Variants in G3BP1 observed in about 807,000 individuals in gnomAD.
G3BP1 encodes G3BP stress granule assembly factor 1, also known as ras GTPase-activating protein-binding protein 1.
Under a neutral mutation model 58.6 loss-of-function variants are expected in G3BP1, and 35 were observed. The ratio of observed to expected loss-of-function variants is 0.60; its 90% CI spans 0.46 to 0.79. The LOEUF (loss-of-function observed/expected upper bound fraction) is 0.79, where lower values mean the gene tolerates loss of function less well. Ranked by LOEUF, G3BP1 falls within the 30% of genes least tolerant of loss-of-function variation. The probability of loss-of-function intolerance (pLI) is 0.00; values close to 1 mark genes in which losing one functional copy is unlikely to be tolerated. For missense variants in G3BP1, 523 were observed against 580.8 expected (o/e 0.90, Z 1.02); for synonymous variants, 191 against 195.4 (o/e 0.98, Z 0.19).
intron 7 of G3BP1, among the ~76,000 whole-genome samples, chr5:151,798,187 GC>G (rs1406208776): frequency 6.6e-6 from 1 of 152,164 alleles, no homozygotes; most frequent in Admixed American, 6.5e-5. Flanking sequence ...ACTTTAGCTT[GC>G]AAGTGGAAAA....
In G3BP1 at chr5:151,799,988, G is replaced by C. The variant is rs751557107; in HGVS notation, c.943G>C (p.Gly315Arg). 6.2e-7 allele frequency: 1 copy of C among 1,603,176 alleles called. No individual in the cohort carries two copies. The highest frequency in any genetic ancestry group is 8.5e-7 in the Non-Finnish European group (1 of 1,170,422). The change falls in exon 9 of 12, where the codon GGA becomes CGA. Residue 315 changes from glycine (G) to arginine (R), a missense_variant. Physicochemically the swap from Gly to Arg is moderately radical, Grantham distance 125 (BLOSUM62 -2). Coordinates refer to ENST00000356245, the MANE Select transcript of G3BP1 (RefSeq NM_005754.3). The stretch of plus-strand genomic sequence containing the variant: ...ACGAATAAATATTCCTCCCCAAAGG[G>C]GACCCAGACCAAGTAAGAGCTCAGA... ...EQRINIPPQR[G>R]PRPIREAGEQ... is the part of the protein sequence containing the mutation.
intron 11 of G3BP1, among the ~76,000 whole-genome samples, 198 bp from the exon 12 acceptor site, chr5:151,803,687 G>A (rs1762894954): frequency 6.6e-6 from 1 of 151,960 alleles, no homozygotes; most frequent in Non-Finnish European, 1.5e-5. Flanking sequence ...GTAGAGACGG[G>A]GTTTCACCAT....
At chr5:151,784,335 T>C (rs1334477598) in intron 1 of G3BP1, among the ~76,000 whole-genome samples, 1 of 152,212 alleles carries the variant, frequency 6.6e-6, no homozygotes, top group Non-Finnish European at 1.5e-5. Flanking sequence ...AAACAACATT[T>C]TTTAGTAATT....
At position 151,808,166 on chromosome 5, in the gene G3BP1, T is replaced by A. The variant is rs1762965716; in HGVS notation, c.*4075T>A. On this transcript the variant is annotated 3_prime_UTR_variant, in exon 12 of 12. Coordinates refer to ENST00000356245, the MANE Select transcript of G3BP1 (RefSeq NM_005754.3). The stretch of plus-strand genomic sequence containing the variant: ...TCTGGTTCTAAGGTAGTAATGCCTT[T>A]TGGGATTTATATTTGTTTAATGTTG... The A allele has an allele frequency of 6.6e-6, 1 of 152,208 alleles. No homozygotes were observed. The highest frequency in any genetic ancestry group is 1.9e-4 in the East Asian group (1 of 5,204). The allele number at this position is 152,208 out of a possible 1,614,324, so 9.4% of individuals were successfully genotyped here. A position where few individuals can be genotyped will look rare whatever the true frequency, so the allele number is the denominator to read the frequency against.
At chr5:151,796,199 A>G (rs1240411466) in intron 6 of G3BP1, among the ~76,000 whole-genome samples, 1 of 152,218 alleles carries the variant, frequency 6.6e-6, no homozygotes, top group Non-Finnish European at 1.5e-5. Flanking sequence ...GCTGGTTGAA[A>G]ATGAAGATTC....
In G3BP1 at chr5:151,805,114, C is replaced by A. The variant is rs898160684; in HGVS notation, c.*1023C>A. 3.3e-5 allele frequency: 5 copies of A among 152,472 alleles called. No homozygotes were observed. The highest frequency in any genetic ancestry group is 1.2e-4 in the African/African-American group (5 of 41,392). The allele number at this position is 152,472 out of a possible 1,614,324, so 9.4% of individuals were successfully genotyped here. ...TAGAGGTTCTTTGACCTAAATAGTT[C>A]AGCATTTGTATTTTTATTCTGGTAT... On this transcript the variant is annotated 3_prime_UTR_variant, in exon 12 of 12. Transcript: ENST00000356245.
At chr5:151,787,680 G>T in intron 2 of G3BP1, 2 of 214,710 alleles carry the variant, frequency 9.3e-6, no homozygotes, top group East Asian at 1.4e-4. Flanking sequence ...GTCTATTTAT[G>T]TGGACTTGTT....
rs912939672 is a variant in G3BP1, at chr5:151,806,651, G to A, written c.*2560G>A. On this transcript the variant is annotated 3_prime_UTR_variant, in exon 12 of 12. Transcript: ENST00000356245. ...CTGCTGGAAAATCATTATAAGTTAG[G>A]GCAACATTTTCTATAGGTGGCAGCA... 1.3e-5 allele frequency: 2 copies of A among 151,974 alleles called. No homozygotes were observed. Among genetic ancestry groups the A allele is most frequent in the Non-Finnish European group, 2.9e-5 (2 of 68,012 alleles). 9.4% of individuals were successfully genotyped at this position (151,974 alleles called of 1,614,324 possible).
At chr5:151,795,307 C>G (rs1355410006) in intron 5 of G3BP1, among the ~76,000 whole-genome samples, 172 bp from the exon 6 acceptor site, 2 of 152,094 alleles carry the variant, frequency 1.3e-5, no homozygotes, top group African/African-American at 4.8e-5. Context: ...AAAGTCTGTT[C>G]TTCAAAGCCT....
rs951974072 is a variant in G3BP1, at chr5:151,807,624, A to G, written c.*3533A>G. On this transcript the variant is annotated 3_prime_UTR_variant, in exon 12 of 12. Transcript: ENST00000356245. ...ACTTCAAATCTGGATGTGAATAATA[A>G]TATTTTTATTATAGTATAATCCAGG... The G allele has an allele frequency of 6.6e-6, 1 of 152,218 alleles. No individual in the cohort carries two copies. Among genetic ancestry groups the G allele is most frequent in the Admixed American group, 6.5e-5 (1 of 15,284 alleles). 9.4% of individuals were successfully genotyped at this position (152,218 alleles called of 1,614,324 possible).
intron 3 of G3BP1, among the ~76,000 whole-genome samples, 163 bp downstream of exon 3, chr5:151,790,567 ATACT>A (rs910688459): frequency 4.6e-5 from 7 of 152,192 alleles, no homozygotes; most frequent in African/African-American, 2.4e-5. Context: ...ATTTGTTGAA[ATACT>A]TATGTGATGT....
chr5:151,803,794 T>C, intron 11 of G3BP1, 91 bp from the exon 12 acceptor site: 1 of 877,050 alleles, frequency 1.1e-6, no homozygotes, highest in Non-Finnish European at 1.8e-6. Context: ...GTGCCCAGCC[T>C]CTGCTGGTTC....
At chr5:151,782,517 A>G (rs1016045382) in intron 1 of G3BP1, among the ~76,000 whole-genome samples, 4 of 152,304 alleles carry the variant, frequency 2.6e-5, no homozygotes, top group African/African-American at 4.8e-5. Flanking sequence ...GTATCAGTGT[A>G]TATCATTCTT....
intron 11 of G3BP1, among the ~76,000 whole-genome samples, chr5:151,801,165 A>G (rs958965082): frequency 6.6e-6 from 1 of 152,204 alleles, no homozygotes; most frequent in East Asian, 1.9e-4. Flanking sequence ...GGCTTTTGGT[A>G]TACAGGAGAT....
chr5:151,792,194 T>G, intron 4 of G3BP1: 1 of 444,300 alleles, frequency 2.3e-6, no homozygotes, highest in South Asian at 1.6e-5. Context: ...TGGTCTAGAC[T>G]GAACAAGGTT....
rs1307065823 is a variant in G3BP1 at position 151,808,158 on chromosome 5, A to C, written c.*4067A>C. ...TAAGAATTTCTGGTTCTAAGGTAGTAATGCCTTTTGGGATTTATATTTGTT... is the reference window on the plus strand; with the variant it reads ...TAAGAATTTCTGGTTCTAAGGTAGTCATGCCTTTTGGGATTTATATTTGTT... On this transcript the variant is annotated 3_prime_UTR_variant, in exon 12 of 12. Coordinates refer to ENST00000356245, the MANE Select transcript of G3BP1 (RefSeq NM_005754.3). 1.3e-5 allele frequency: 2 copies of C among 152,234 alleles called. 1 individual carries two copies. The highest frequency in any genetic ancestry group is 2.9e-5 in the Non-Finnish European group (2 of 68,050). 9.4% of individuals were successfully genotyped at this position (152,234 alleles called of 1,614,324 possible). A position where few individuals can be genotyped will look rare whatever the true frequency, so the allele number is the denominator to read the frequency against.
intron 1 of G3BP1, among the ~76,000 whole-genome samples, chr5:151,775,078 C>CA (rs1762343288): frequency 6.6e-6 from 1 of 152,204 alleles, no homozygotes; most frequent in South Asian, 2.1e-4. Context: ...AAAGCAATTT[C>CA]AAAAAAATTG....
Position 151,806,471 on chromosome 5 carries a change from A to T in G3BP1, c.*2380A>T, listed in dbSNP as rs1459117145. On this transcript the variant is annotated 3_prime_UTR_variant, in exon 12 of 12. Coordinates refer to ENST00000356245, the MANE Select transcript of G3BP1 (RefSeq NM_005754.3). ...GAAAGCTTCCCCAGTGCTTTCTGTC[A>T]TCAGAGTTGGGATGATTGTGAGGTT... 1 of 152,224 alleles carries T rather than the reference A, an allele frequency of 6.6e-6. No individual in the cohort carries two copies. The highest frequency in any genetic ancestry group is 1.5e-5 in the Non-Finnish European group (1 of 68,038). The allele number at this position is 152,224 out of a possible 1,614,324, so 9.4% of individuals were successfully genotyped here.
rs1400108722 is a variant in G3BP1, at chr5:151,805,391, G to A, written c.*1300G>A. 3.9e-5 allele frequency: 6 copies of A among 152,530 alleles called. No homozygotes were observed. The highest frequency in any genetic ancestry group is 7.4e-5 in the Non-Finnish European group (5 of 68,006). The allele number at this position is 152,530 out of a possible 1,614,324, so 9.4% of individuals were successfully genotyped here. A position where few individuals can be genotyped will look rare whatever the true frequency, so the allele number is the denominator to read the frequency against. On this transcript the variant is annotated 3_prime_UTR_variant, in exon 12 of 12. Coordinates refer to ENST00000356245, the MANE Select transcript of G3BP1 (RefSeq NM_005754.3). ...AGACTAATACTCGTTTCACATATGT[G>A]TTATTTGTTGAGTGCTGTGTGTGAG...
Sources: gnomAD v4.1 joint callset for allele counts (sites outside exome capture counted in the v4.1 genomes callset) on GRCh38, gnomAD v4.1.1 for gene constraint, MANE v1.5 for transcripts, NCBI Gene and HGNC (gene_info 2026-07-23, HGNC 2026-07-21) for gene names.